Variants in LNPK observed in about 807,000 individuals in gnomAD.
The protein encoded by LNPK is lunapark, ER junction formation factor, also known as endoplasmic reticulum junction formation protein lunapark.
A neutral mutation model predicts 55.2 loss-of-function variants in LNPK; 29 were observed. That is an observed-to-expected ratio of 0.53 (90% CI 0.39 to 0.72). The LOEUF is 0.72. LNPK is among the 30% of genes least tolerant of loss of function. The probability of loss-of-function intolerance (pLI) is 0.00; values close to 1 mark genes in which losing one functional copy is unlikely to be tolerated. For missense variants in LNPK, 467 were observed against 494.8 expected (o/e 0.94, Z 0.53); for synonymous variants, 162 against 168.2 (o/e 0.96, Z 0.29).
chr2:175,987,360 C>A (rs1361078675), intron 4 of LNPK, among the ~76,000 whole-genome samples: 1 of 152,184 alleles, frequency 6.6e-6, no homozygotes, highest in Non-Finnish European at 1.5e-5. Context: ...ATGATGAGTT[C>A]ATGTCCTTTG....
intron 4 of LNPK, among the ~76,000 whole-genome samples, chr2:175,988,038 A>G (rs1025382102): frequency 9.2e-5 from 14 of 152,252 alleles, no homozygotes; most frequent in Non-Finnish European, 1.9e-4. Flanking sequence ...TGGGTAAAGA[A>G]TTAACATTCT....
intron 2 of LNPK, among the ~76,000 whole-genome samples, chr2:175,993,507 C>T (rs1028256145): frequency 1.3e-5 from 2 of 152,274 alleles, no homozygotes; most frequent in Non-Finnish European, 2.9e-5. Context: ...CAATAGAACA[C>T]ACCGTTCTAG....
rs770262513 is a variant in LNPK, at chr2:175,964,371, C to T, written c.493+1G>A. The T allele has an allele frequency of 2.5e-6, 4 of 1,612,134 alleles. No homozygotes were observed. The highest frequency in any genetic ancestry group is 3.4e-6 in the Non-Finnish European group (4 of 1,178,368). Reference sequence around the variant, plus strand: ...GCAGCAGTTTCTACTAAGTTATTTACCTTGTCCAGGTCTTGCAGTTACAGC... The same window carrying T: ...GCAGCAGTTTCTACTAAGTTATTTATCTTGTCCAGGTCTTGCAGTTACAGC... On this transcript the variant is annotated splice_donor_variant, in intron 8 of 12. Transcript: ENST00000272748. LOFTEE classifies it high-confidence loss of function.
rs1481401805 is a variant in LNPK at position 175,926,396 on chromosome 2, C to A, written c.*3571G>T. The A allele has an allele frequency of 6.6e-6, 1 of 152,262 alleles. No homozygotes were observed. Among genetic ancestry groups the A allele is most frequent in the Non-Finnish European group, 1.5e-5 (1 of 68,094 alleles). The allele number at this position is 152,262 out of a possible 1,614,324, so 9.4% of individuals were successfully genotyped here. A position where few individuals can be genotyped will look rare whatever the true frequency, so the allele number is the denominator to read the frequency against. On this transcript the variant is annotated 3_prime_UTR_variant, in exon 13 of 13. Coordinates refer to ENST00000272748, the MANE Select transcript of LNPK (RefSeq NM_030650.3). ...ACTCTTGCCCTCTCTTACCCTTCTG[C>A]CTTCTGGCATGGGATGACAAAGCAC... is the stretch of plus-strand genomic sequence containing the variant.
rs1683999055 is a variant in LNPK, at chr2:175,926,163, T to C, written c.*3804A>G. The C allele has an allele frequency of 6.6e-6, 1 of 152,226 alleles. No individual in the cohort carries two copies. Among genetic ancestry groups the C allele is most frequent in the East Asian group, 1.9e-4 (1 of 5,204 alleles). The allele number at this position is 152,226 out of a possible 1,614,324, so 9.4% of individuals were successfully genotyped here. ...TTTGCCTATATTCAAATCCCTCTTTTTCCACTTACCAGGTATACAATTTTA... is the reference window on the plus strand; with the variant it reads ...TTTGCCTATATTCAAATCCCTCTTTCTCCACTTACCAGGTATACAATTTTA... On this transcript the variant is annotated 3_prime_UTR_variant, in exon 13 of 13. Coordinates refer to ENST00000272748, the MANE Select transcript of LNPK (RefSeq NM_030650.3).
In LNPK at chr2:175,929,109, C is replaced by A; in HGVS notation, c.*858G>T. The A allele has an allele frequency of 1.0e-6, 1 of 985,264 alleles. No individual in the cohort carries two copies. The allele number at this position is 985,264 out of a possible 1,614,324, so 61.0% of individuals were successfully genotyped here. ...TGTTTGAAGAAGACTAGATATTTAG[C>A]AAAATGAAACTGATGCCAGATTATT... On this transcript the variant is annotated 3_prime_UTR_variant, in exon 13 of 13. Transcript: ENST00000272748.
intron 6 of LNPK, among the ~76,000 whole-genome samples, chr2:175,965,119 G>A (rs1234427933): frequency 6.6e-6 from 1 of 152,146 alleles, no homozygotes; most frequent in African/African-American, 2.4e-5. Context: ...GAACAGCCAT[G>A]GAATTTGCTC....
At chr2:175,941,503 A>C (rs1156984522) in intron 9 of LNPK, among the ~76,000 whole-genome samples, 1 of 151,872 alleles carries the variant, frequency 6.6e-6, no homozygotes, top group Non-Finnish European at 1.5e-5. Context: ...AATCAAGAGA[A>C]AAATCTTGAC....
intron 4 of LNPK, among the ~76,000 whole-genome samples, chr2:175,986,723 ACATT>A (rs1687432192): frequency 6.6e-6 from 1 of 152,160 alleles, no homozygotes; most frequent in South Asian, 2.1e-4. Context: ...GTATTTAACA[ACATT>A]CAACAACCTT....
intron 8 of LNPK, among the ~76,000 whole-genome samples, chr2:175,963,721 A>T (rs532666956): frequency 7.4e-5 from 11 of 149,510 alleles, no homozygotes; most frequent in South Asian, 2.1e-4. Flanking sequence ...TTAATTAATT[A>T]AAAAAAAAGA....
At chr2:175,995,455 A>G in intron 2 of LNPK, 103 bp downstream of exon 2, 1 of 767,232 alleles carries the variant, frequency 1.3e-6, no homozygotes, top group South Asian at 2.6e-5. Context: ...GGAAAATAGC[A>G]AACTACTATT....
At chr2:175,956,689 G>A (rs1041501035) in intron 8 of LNPK, among the ~76,000 whole-genome samples, 1 of 152,154 alleles carries the variant, frequency 6.6e-6, no homozygotes, top group African/African-American at 2.4e-5. Context: ...GTGGATTCCT[G>A]TATTAATACT....
At chr2:175,979,108 T>C (rs932877342) in intron 5 of LNPK, among the ~76,000 whole-genome samples, 53 of 152,178 alleles carry the variant, frequency 3.5e-4, no homozygotes, top group African/African-American at 1.2e-3. Context: ...AAGAATTCTT[T>C]TCCAGGTATG....
rs911342953 is a variant in LNPK, at chr2:175,927,730, TTAA to T, written c.*2234_*2236del. 2.0e-5 allele frequency: 3 copies of T among 147,400 alleles called. No individual in the cohort carries two copies. The highest frequency in any genetic ancestry group is 7.7e-5 in the African/African-American group (3 of 39,030). 9.1% of individuals were successfully genotyped at this position (147,400 alleles called of 1,614,324 possible). The stretch of plus-strand genomic sequence containing the variant: ...TTGGATTTTCTCATTTATACTAGTC[TTAA>T]TAATCAGAAATAGGACATTTTACTA... On this transcript the variant is annotated 3_prime_UTR_variant, in exon 13 of 13. Transcript: ENST00000272748.
At chr2:175,988,940 A>T (rs1233405206) in intron 4 of LNPK, among the ~76,000 whole-genome samples, 1 of 151,654 alleles carries the variant, frequency 6.6e-6, no homozygotes, top group Non-Finnish European at 1.5e-5. Context: ...TGCTGGGCTA[A>T]TTTTTTTTGT....
rs1684713993 is a variant in LNPK at position 175,939,597 on chromosome 2, A to G, written c.767T>C (p.Leu256Ser). ...RPILPRERGA[L>S]DRIVEYLVGD... ...AACCAAATATTCAACAATTCTATCC[A>G]AAGCACCTCGTTCTCGGGGGAGAAT... Residue 256 changes from leucine (L) to serine (S), a missense_variant, in exon 10 of 13, where the codon TTG (leucine) becomes TCG (serine). Transcript: ENST00000272748. The G allele has an allele frequency of 6.2e-7, 1 of 1,608,496 alleles. No individual in the cohort carries two copies.
At chr2:175,998,469 G>GA (rs1407570296) in intron 1 of LNPK, among the ~76,000 whole-genome samples, 2 of 144,174 alleles carry the variant, frequency 1.4e-5, no homozygotes, top group Non-Finnish European at 3.1e-5. Flanking sequence ...AAGAAGAAAA[G>GA]AAAAAAAAAG....
At chr2:175,953,539 G>A (rs1685524743) in intron 8 of LNPK, among the ~76,000 whole-genome samples, 2 of 151,904 alleles carry the variant, frequency 1.3e-5, no homozygotes, top group Admixed American at 6.6e-5. Flanking sequence ...AAAAACGTAG[G>A]TCACATCTTG....
At chr2:175,970,571 A>C (rs574150045) in intron 6 of LNPK, among the ~76,000 whole-genome samples, 193 bp downstream of exon 6, 2 of 152,268 alleles carry the variant, frequency 1.3e-5, no homozygotes, top group South Asian at 4.1e-4. Flanking sequence ...GAATCTCAAA[A>C]GTCCTTCTAA....
Sources: allele counts gnomAD v4.1 joint callset (sites outside exome capture counted in the v4.1 genomes callset), GRCh38; gene constraint gnomAD v4.1.1; transcripts MANE v1.5; gene names NCBI Gene and HGNC (gene_info 2026-07-23, HGNC 2026-07-21).